Variants in NINJ2 observed in about 807,000 individuals in gnomAD.
NINJ2 encodes ninjurin-2.
Under a neutral mutation model 11.7 loss-of-function variants are expected in NINJ2, and 12 were observed. The observed-to-expected ratio is 1.02, with a 90% CI of 0.66 to 1.66. The LOEUF (loss-of-function observed/expected upper bound fraction) is 1.66. Among genes scored for constraint, NINJ2 ranks in the 40% most tolerant of loss-of-function variants. NINJ2 has a pLI of 0.00. For synonymous variants in NINJ2, 93 were observed against 76.8 expected (o/e 1.21, Z -1.10); for missense variants, 187 against 181.8 (o/e 1.03, Z -0.16).
intron 1 of NINJ2, among the ~76,000 whole-genome samples, chr12:577,430 C>CATATATATGTAT: frequency 4.3e-5 from 4 of 93,994 alleles, no homozygotes; most frequent in Non-Finnish European, 7.4e-5. Context: ...TATATATATA[C>CATATATATGTAT]ATATATATAT....
chr12:616,034 T>TA (rs1399551410), intron 1 of NINJ2, among the ~76,000 whole-genome samples: 1 of 152,130 alleles, frequency 6.6e-6, no homozygotes, highest in Non-Finnish European at 1.5e-5. Context: ...GTATAGTAGT[T>TA]AGAGAAAGCT....
intron 1 of NINJ2, among the ~76,000 whole-genome samples, chr12:619,881 C>A (rs1243887744): frequency 6.6e-6 from 1 of 152,224 alleles, no homozygotes; most frequent in East Asian, 1.9e-4. Flanking sequence ...ATTGACCTCT[C>A]TAAGCTTCAG....
At chr12:631,811 C>A (rs1948285669) in intron 1 of NINJ2, among the ~76,000 whole-genome samples, 1 of 152,166 alleles carries the variant, frequency 6.6e-6, no homozygotes, top group Non-Finnish European at 1.5e-5. Context: ...AAACACAAAG[C>A]ACAAAATGTT....
chr12:639,801 T>C (rs1007185234), intron 1 of NINJ2, among the ~76,000 whole-genome samples: 2 of 152,246 alleles, frequency 1.3e-5, no homozygotes, highest in Non-Finnish European at 1.5e-5. Flanking sequence ...GCTATTAAGC[T>C]GGCTAATGAT....
intron 1 of NINJ2, among the ~76,000 whole-genome samples, chr12:658,550 G>A (rs1291394664): frequency 6.6e-6 from 1 of 152,132 alleles, no homozygotes; most frequent in Non-Finnish European, 1.5e-5. Flanking sequence ...TCTGGAAAAG[G>A]CAAAACAAAA....
intron 3 of NINJ2, 48 bp downstream of exon 3, chr12:565,169 G>A (rs2120768868): frequency 6.7e-7 from 1 of 1,483,304 alleles, no homozygotes; most frequent in Non-Finnish European, 9.1e-7. Flanking sequence ...GAGAGAGAAG[G>A]GCCACCTGGG....
At chr12:627,920 G>A (rs920456390) in intron 1 of NINJ2, among the ~76,000 whole-genome samples, 1 of 152,186 alleles carries the variant, frequency 6.6e-6, no homozygotes, top group Non-Finnish European at 1.5e-5. Flanking sequence ...GAGCGATAGA[G>A]CGAGACTCCG....
At chr12:568,157 TTATA>T (rs941837314) in intron 1 of NINJ2, among the ~76,000 whole-genome samples, 18 of 152,310 alleles carry the variant, frequency 1.2e-4, no homozygotes, top group African/African-American at 2.9e-4. Flanking sequence ...ATTGGACTAA[TTATA>T]TATATAGTAA....
intron 1 of NINJ2, among the ~76,000 whole-genome samples, chr12:576,384 C>A (rs1386575233): frequency 6.6e-6 from 1 of 152,338 alleles, no homozygotes; most frequent in South Asian, 2.1e-4. Context: ...GGGTTTCTCT[C>A]CAACAAAAGG....
At chr12:572,117 G>C (rs531699081) in intron 1 of NINJ2, among the ~76,000 whole-genome samples, 1 of 152,250 alleles carries the variant, frequency 6.6e-6, no homozygotes, top group East Asian at 1.9e-4. Flanking sequence ...CTGCGAGGTC[G>C]AAGGGACTGG....
At chr12:644,196 C>T (rs1304505574) in intron 1 of NINJ2, 3 of 153,940 alleles carry the variant, frequency 1.9e-5, no homozygotes, top group Non-Finnish European at 4.4e-5. Flanking sequence ...TATTATGTAA[C>T]AGACATTGTT....
At chr12:631,389 G>C (rs1460401681) in intron 1 of NINJ2, among the ~76,000 whole-genome samples, 1 of 152,038 alleles carries the variant, frequency 6.6e-6, no homozygotes, top group African/African-American at 2.4e-5. Flanking sequence ...TTTTGAGACG[G>C]AGTCTCCCTC....
intron 1 of NINJ2, among the ~76,000 whole-genome samples, chr12:575,435 C>G (rs962831310): frequency 3.3e-5 from 5 of 152,230 alleles, no homozygotes; most frequent in Non-Finnish European, 7.3e-5. Context: ...TGCTCCTGCT[C>G]TGCTCCAGGA....
At chr12:626,788 T>G (rs1486523238) in intron 1 of NINJ2, among the ~76,000 whole-genome samples, 1 of 151,990 alleles carries the variant, frequency 6.6e-6, no homozygotes, top group Non-Finnish European at 1.5e-5. Flanking sequence ...CTATTAAGAG[T>G]TAAATAAAAT....
Position 607,371 on chromosome 12 carries a change from AT to A in NINJ2, c.34-41194del, listed in dbSNP as rs532418246. On this transcript the variant is annotated intron_variant, in intron 1 of 3. Coordinates refer to ENST00000305108, the MANE Select transcript of NINJ2 (RefSeq NM_016533.6). ...GTAAGGGATGATGATGATGATGATG[AT>A]GATGATGACGACTGGAGTAGAAATA... 5.9e-3 allele frequency among the ~76,000 whole-genome samples: 901 copies of A among 152,226 alleles called. 2 individuals are homozygous for A. Among genetic ancestry groups the A allele is most frequent in the Non-Finnish European group, 9.2e-3 (626 of 67,998 alleles).
At chr12:656,901 G>A (rs1388552439) in intron 1 of NINJ2, among the ~76,000 whole-genome samples, 2 of 152,208 alleles carry the variant, frequency 1.3e-5, no homozygotes, top group Non-Finnish European at 2.9e-5. Context: ...CGATGTAGCA[G>A]AGATAGTCTT....
At chr12:659,134 C>T (rs1369146727) in intron 1 of NINJ2, among the ~76,000 whole-genome samples, 3 of 151,270 alleles carry the variant, frequency 2.0e-5, no homozygotes, top group Non-Finnish European at 2.9e-5. Context: ...AAAACACTCC[C>T]AGAGTACTTT....
At chr12:596,922 CA>C (rs1335774029) in intron 1 of NINJ2, among the ~76,000 whole-genome samples, 3 of 119,362 alleles carry the variant, frequency 2.5e-5, no homozygotes, top group African/African-American at 6.3e-5. Flanking sequence ...GACCCTGTCT[CA>C]AAAAAAAAAC....
rs1948403987 is a variant in NINJ2, at chr12:640,409, T to G, written c.33+22919A>C. Among the ~76,000 whole-genome samples the G allele has an allele frequency of 6.6e-6, 1 of 152,224 alleles. No individual in the cohort carries two copies. The highest frequency in any genetic ancestry group is 2.1e-4 in the South Asian group (1 of 4,834). Reference sequence around the variant, plus strand: ...TAAAGTGTAGTTCTTTCAATACAATTCATTCAGACCTCCCTTTCAATGACA... The same window carrying G: ...TAAAGTGTAGTTCTTTCAATACAATGCATTCAGACCTCCCTTTCAATGACA... On this transcript the variant is annotated intron_variant, in intron 1 of 3. Coordinates refer to ENST00000305108, the MANE Select transcript of NINJ2 (RefSeq NM_016533.6). This position sits in a 1 kb window ranked among gnomAD's most constrained non-coding sequence, Gnocchi z 4.0.
Sources: gnomAD v4.1 joint callset for allele counts (sites outside exome capture counted in the v4.1 genomes callset) on GRCh38, gnomAD v4.1.1 for gene constraint, Gnocchi (gnomAD v3.1) non-coding constraint, MANE v1.5 for transcripts, NCBI Gene and HGNC (gene_info 2026-07-23, HGNC 2026-07-21) for gene names.